The following EPHA6 variants were observed in gnomAD, a reference collection of about 807,000 sequenced individuals.
EPHA6 encodes EPH receptor A6.
A neutral mutation model predicts 112.0 loss-of-function variants in EPHA6; 50 were observed. The ratio of observed to expected loss-of-function variants is 0.45; its 90% CI spans 0.36 to 0.56. The LOEUF (loss-of-function observed/expected upper bound fraction) is 0.56, where lower values mean the gene tolerates loss of function less well. EPHA6 is among the 20% of genes least tolerant of loss of function. EPHA6 has a pLI of 0.00. For missense variants in EPHA6, 1,280 were observed against 1,417.4 expected (o/e 0.90, Z 1.56); for synonymous variants, 529 against 490.7 (o/e 1.08, Z -1.03).
In EPHA6 at chr3:97,480,814, G is replaced by A. The variant is rs1271894401; in HGVS notation, c.2074+1450G>A. ...ACTTCCCAGATGGGGCGGCTGCCGA[G>A]CGGAGGGACTCCTCACTTCTCAGAT... is the stretch of plus-strand genomic sequence containing the variant. On this transcript the variant is annotated intron_variant, in intron 9 of 17. Coordinates refer to ENST00000389672, the MANE Select transcript of EPHA6 (RefSeq NM_001080448.3). 3.9e-3 allele frequency among the ~76,000 whole-genome samples: 597 copies of A among 152,196 alleles called. 4 individuals carry two copies. The highest frequency in any genetic ancestry group is 0.014 in the African/African-American group (568 of 41,520).
intron 5 of EPHA6, among the ~76,000 whole-genome samples, chr3:97,348,712 T>G (rs2083655851): frequency 6.6e-6 from 1 of 152,038 alleles, no homozygotes; most frequent in South Asian, 2.1e-4. Context: ...AGGAAGGTTT[T>G]TCATCATGCA....
chr3:97,406,999 T>C (rs1246733415), intron 6 of EPHA6, among the ~76,000 whole-genome samples: 2 of 152,100 alleles, frequency 1.3e-5, no homozygotes, highest in Non-Finnish European at 2.9e-5. Flanking sequence ...ATCAAAATAT[T>C]TCTCTGTGTT....
rs1208385963 is a variant in EPHA6 at position 97,749,681 on chromosome 3, T to C, written c.*980T>C. Among the ~76,000 whole-genome samples, 1 of 152,198 alleles carries C rather than the reference T, an allele frequency of 6.6e-6. No individual in the cohort carries two copies. The highest frequency in any genetic ancestry group is 1.5e-5 in the Non-Finnish European group (1 of 68,028). The stretch of plus-strand genomic sequence containing the variant: ...GAATAAAATACGTTAGATTATACCC[T>C]TAGATTTAATGTAAAATTATTAATT... On this transcript the variant is annotated 3_prime_UTR_variant, in exon 18 of 18. Transcript: ENST00000389672.
intron 5 of EPHA6, among the ~76,000 whole-genome samples, chr3:97,337,836 T>A (rs777329842): frequency 2.0e-5 from 3 of 152,156 alleles, no homozygotes; most frequent in Non-Finnish European, 4.4e-5. Flanking sequence ...GTAATCATAT[T>A]TATACCATAA....
chr3:97,542,910 T>C (rs2092885766), intron 11 of EPHA6, among the ~76,000 whole-genome samples: 1 of 152,236 alleles, frequency 6.6e-6, no homozygotes, highest in Non-Finnish European at 1.5e-5. Context: ...GAAGTGTCTG[T>C]TCATATCCTT....
At chr3:97,680,349 C>A (rs1017606461) in intron 14 of EPHA6, among the ~76,000 whole-genome samples, 11 of 152,170 alleles carry the variant, frequency 7.2e-5, no homozygotes, top group Middle Eastern at 3.2e-3. Flanking sequence ...TCAGGCCCAG[C>A]CCACAAGCAT....
chr3:97,096,161 T>G (rs1370686528), intron 3 of EPHA6, among the ~76,000 whole-genome samples: 1 of 152,006 alleles, frequency 6.6e-6, no homozygotes, highest in East Asian at 1.9e-4. Context: ...AAAGCTATTT[T>G]ATACGTATCC....
In EPHA6 at chr3:97,302,371, C is replaced by A. The variant is rs1441015555; in HGVS notation, c.1606+58084C>A. ...AAAATACTAAAAATAAAGAGTAAAACTTGTTCCTAAACCACTGTATATTAT... is the reference window on the plus strand; with the variant it reads ...AAAATACTAAAAATAAAGAGTAAAAATTGTTCCTAAACCACTGTATATTAT... On this transcript the variant is annotated intron_variant, in intron 5 of 17. Transcript: ENST00000389672. Among the ~76,000 whole-genome samples the A allele has an allele frequency of 2.6e-5, 4 of 151,546 alleles. No individual in the cohort carries two copies. The East Asian group carries it at 7.7e-4, about 29-fold the overall frequency.
Position 97,224,642 on chromosome 3 carries a change from C to A in EPHA6, c.1115-1622C>A, listed in dbSNP as rs552961863. Among the ~76,000 whole-genome samples the A allele has an allele frequency of 6.6e-5, 10 of 152,068 alleles. No homozygotes were observed. In the South Asian group the frequency reaches 1.2e-3, roughly 19 times the overall value. ...TCTATATATGTACATGTAAAAATAT[C>A]TTTTATATTGTGGTTCTATGGCATA... On this transcript the variant is annotated intron_variant, in intron 3 of 17. Transcript: ENST00000389672.
At chr3:97,395,126 T>C (rs554182626) in intron 5 of EPHA6, among the ~76,000 whole-genome samples, 2 of 151,750 alleles carry the variant, frequency 1.3e-5, no homozygotes, top group East Asian at 3.9e-4. Flanking sequence ...TATTTTCAAA[T>C]TCAGAAAGAA....
chr3:97,694,298 G>T (rs538977881), intron 14 of EPHA6, among the ~76,000 whole-genome samples: 16 of 151,542 alleles, frequency 1.1e-4, no homozygotes, highest in South Asian at 6.3e-4. Flanking sequence ...ATGCAATGGC[G>T]TGATCTCGGC....
intron 14 of EPHA6, among the ~76,000 whole-genome samples, chr3:97,709,860 A>G (rs987490414): frequency 6.6e-6 from 1 of 152,140 alleles, no homozygotes; most frequent in Non-Finnish European, 1.5e-5. Context: ...CATGTAAGAC[A>G]TGCCTTGCTT....
chr3:97,559,707 G>A, intron 11 of EPHA6: 1 of 434,420 alleles, frequency 2.3e-6, no homozygotes, highest in Non-Finnish European at 4.5e-6. Flanking sequence ...TCACACAAGA[G>A]TGAAGCTTCC....
intron 3 of EPHA6, among the ~76,000 whole-genome samples, chr3:97,116,359 A>G (rs2047887082): frequency 6.6e-6 from 1 of 151,698 alleles, no homozygotes; most frequent in South Asian, 2.1e-4. Context: ...GTGTGTATAT[A>G]TGAAAGAATA....
At chr3:97,363,200 ATATATATATATATATATATATATAT>A (rs2084483482) in intron 5 of EPHA6, among the ~76,000 whole-genome samples, 1 of 65,872 alleles carries the variant, frequency 1.5e-5, no homozygotes, top group Non-Finnish European at 2.7e-5. Flanking sequence ...ATATATATAT[ATATATATATATATATATATATATAT>A]ATATATATAT....
At chr3:97,586,841 C>T (rs565351380) in intron 11 of EPHA6, among the ~76,000 whole-genome samples, 5 of 152,296 alleles carry the variant, frequency 3.3e-5, no homozygotes, top group Middle Eastern at 3.4e-3. Context: ...TTTATCTTTG[C>T]GCTTTGAAGT....
At position 97,324,445 on chromosome 3, in the gene EPHA6, C is replaced by CTT. The variant is rs1553746352; in HGVS notation, c.1606+80160_1606+80161dup. ...TCTTTCTTTCTTTCTTTCTTTCTTT[C>CTT]TTTCTTTCTTTCTTTCTTTCTTTCT... is the stretch of plus-strand genomic sequence containing the variant. On this transcript the variant is annotated intron_variant, in intron 5 of 17. Transcript: ENST00000389672. Among the ~76,000 whole-genome samples the CTT allele has an allele frequency of 1.1e-4, 16 of 147,092 alleles. No homozygotes were observed. The South Asian group carries it at 3.4e-3, about 32-fold the overall frequency.
At chr3:97,508,468 A>C (rs1199397657) in intron 10 of EPHA6, among the ~76,000 whole-genome samples, 2 of 152,118 alleles carry the variant, frequency 1.3e-5, no homozygotes, top group African/African-American at 4.8e-5. Flanking sequence ...GTAGTTGTGC[A>C]GTTTTGCGTG....
At chr3:97,057,882 T>C (rs1016240395) in intron 3 of EPHA6, among the ~76,000 whole-genome samples, 9 of 152,174 alleles carry the variant, frequency 5.9e-5, no homozygotes, top group Admixed American at 5.9e-4. Flanking sequence ...GGGCAGGCAC[T>C]AAAGTTTCCA....
Sources: allele counts gnomAD v4.1 joint callset (sites outside exome capture counted in the v4.1 genomes callset), GRCh38; gene constraint gnomAD v4.1.1; transcripts MANE v1.5; gene names NCBI Gene and HGNC (gene_info 2026-07-23, HGNC 2026-07-21).